The following PTPRJ variants were observed in gnomAD, a reference collection of about 807,000 sequenced individuals.
The protein encoded by PTPRJ is protein tyrosine phosphatase receptor type J, also known as receptor-type tyrosine-protein phosphatase eta.
A neutral mutation model predicts 141.3 loss-of-function variants in PTPRJ; 129 were observed. The ratio of observed to expected loss-of-function variants is 0.91; its 90% CI spans 0.79 to 1.06. The LOEUF (loss-of-function observed/expected upper bound fraction) is 1.06, where lower values mean the gene tolerates loss of function less well. PTPRJ is among the 50% of genes least tolerant of loss of function. The pLI is 0.00. For synonymous variants in PTPRJ, 610 were observed against 640.5 expected, an observed-to-expected ratio of 0.95 and a Z score of 0.72; for missense variants, 1,601 against 1,679.7, an observed-to-expected ratio of 0.95 and a Z score of 0.82.
At chr11:48,157,893 C>A (rs1277787337) in intron 21 of PTPRJ, among the ~76,000 whole-genome samples, 7 of 152,328 alleles carry the variant, frequency 4.6e-5, no homozygotes, top group African/African-American at 1.7e-4. Context: ...TGGCTTACAG[C>A]TGTAATCCCA....
intron 1 of PTPRJ, among the ~76,000 whole-genome samples, chr11:48,081,342 G>A (rs1855552378): frequency 6.6e-6 from 1 of 152,212 alleles, no homozygotes; most frequent in Non-Finnish European, 1.5e-5. Flanking sequence ...CTGAGTCAGT[G>A]GAATGTGCTG....
chr11:48,010,888 C>T (rs1411339812), intron 1 of PTPRJ, among the ~76,000 whole-genome samples: 1 of 151,956 alleles, frequency 6.6e-6, no homozygotes, highest in African/African-American at 2.4e-5. Context: ...CTGTGTGGCT[C>T]AGGCTGGACT....
intron 6 of PTPRJ, among the ~76,000 whole-genome samples, chr11:48,125,578 G>A (rs553837482): frequency 1.3e-5 from 2 of 152,228 alleles, no homozygotes; most frequent in African/African-American, 4.8e-5. Flanking sequence ...TTTTTCACCC[G>A]CCTTGTAATT....
chr11:48,137,248 T>A lies in PTPRJ; in HGVS notation c.2119T>A (p.Ser707Thr). ...TGCACAAGTAGGGGATGGGATCAAG[T>A]CACTGGAACCTGGCCGGAAGTCATT... ...IFAQVGDGIK[S>T]LEPGRKSFCT... is the part of the protein sequence containing the mutation. Residue 707 changes from serine to threonine, a missense_variant, in exon 10 of 25, where the codon TCA becomes ACA. By Grantham distance (58) the Ser-to-Thr change is moderately conservative. Transcript: ENST00000418331. 1 of 1,614,150 alleles carries A rather than the reference T, an allele frequency of 6.2e-7. No homozygotes were observed. The highest frequency in any genetic ancestry group is 8.5e-7 in the Non-Finnish European group (1 of 1,180,014).
At position 48,156,056 on chromosome 11, in the gene PTPRJ, T is replaced by C. The variant is rs750269207; in HGVS notation, c.3375T>C (p.Arg1125=). Reference sequence around the variant, plus strand: ...CGAACACTTTGAAAGATTTTTGGCGTATGGTTTGGGAGAAAAATGTATATG... The same window carrying C: ...CGAACACTTTGAAAGATTTTTGGCGCATGGTTTGGGAGAAAAATGTATATG... ...PLPNTLKDFW[R]MVWEKNVYAI... The change falls in exon 21 of 25, where the codon CGT becomes CGC. Residue 1125 remains arginine (R), a synonymous_variant. Coordinates refer to ENST00000418331, the MANE Select transcript of PTPRJ (RefSeq NM_002843.4). 44 of 1,602,566 alleles carry C rather than the reference T, an allele frequency of 2.7e-5. No individual in the cohort carries two copies. The highest frequency in any genetic ancestry group is 3.6e-5 in the Non-Finnish European group (42 of 1,169,578).
Position 48,062,429 on chromosome 11 carries a change from C to T in PTPRJ, c.97-47629C>T, listed in dbSNP as rs531285263. Reference sequence around the variant, plus strand: ...TTGGGAGGCTGAGGCAGGAGAATGGCGTGAACCCAGGAGGCGGAGCTTGCA... The same window carrying T: ...TTGGGAGGCTGAGGCAGGAGAATGGTGTGAACCCAGGAGGCGGAGCTTGCA... On this transcript the variant is annotated intron_variant, in intron 1 of 24. Transcript: ENST00000418331. Among the ~76,000 whole-genome samples the T allele has an allele frequency of 9.7e-4, 147 of 151,874 alleles. 1 individual carries two copies. Among genetic ancestry groups the T allele is most frequent in the African/African-American group, 3.3e-3 (136 of 41,442 alleles).
In PTPRJ at chr11:48,048,925, T is replaced by G. The variant is rs556065654; in HGVS notation, c.97-61133T>G. Among the ~76,000 whole-genome samples, 3 of 152,310 alleles carry G rather than the reference T, an allele frequency of 2.0e-5. No individual in the cohort carries two copies. The South Asian group carries it at 6.2e-4, about 32-fold the overall frequency. Reference sequence around the variant, plus strand: ...TTTACAGCTGACGCCTATCTAAGGCTTGTATAAAAGTCAGTCACTGTCCAG... The same window carrying G: ...TTTACAGCTGACGCCTATCTAAGGCGTGTATAAAAGTCAGTCACTGTCCAG... On this transcript the variant is annotated intron_variant, in intron 1 of 24. Transcript: ENST00000418331.
intron 1 of PTPRJ, among the ~76,000 whole-genome samples, chr11:47,988,135 ATGAG>A (rs939632744): frequency 1.7e-4 from 26 of 152,264 alleles, no homozygotes; most frequent in African/African-American, 6.3e-4. Flanking sequence ...TTCTGAGTGA[ATGAG>A]TGAGTGAGTA....
chr11:48,023,394 G>A (rs1853710894), intron 1 of PTPRJ, among the ~76,000 whole-genome samples: 1 of 152,146 alleles, frequency 6.6e-6, no homozygotes, highest in African/African-American at 2.4e-5. Flanking sequence ...GAGATGAGGA[G>A]CTGCCTTGCC....
At chr11:48,048,345 G>A (rs1854463200) in intron 1 of PTPRJ, among the ~76,000 whole-genome samples, 1 of 152,202 alleles carries the variant, frequency 6.6e-6, no homozygotes, top group Non-Finnish European at 1.5e-5. Context: ...GTGCCCCGCT[G>A]CTGGGAAGAC....
At position 48,148,127 on chromosome 11, in the gene PTPRJ, G is replaced by A. The variant is rs1489158006; in HGVS notation, c.2999+1164G>A. ...CCTGAAGTGTTGGGATCACAGGCGT[G>A]AGCCCCTGTGCCTGGCCAGATTAGG... On this transcript the variant is annotated intron_variant, in intron 15 of 24. Coordinates refer to ENST00000418331, the MANE Select transcript of PTPRJ (RefSeq NM_002843.4). 5.9e-5 allele frequency among the ~76,000 whole-genome samples: 9 copies of A among 152,314 alleles called. No homozygotes were observed. The East Asian group carries it at 1.5e-3, about 26-fold the overall frequency.
At chr11:48,078,256 C>CCAT (rs1855461746) in intron 1 of PTPRJ, among the ~76,000 whole-genome samples, 1 of 152,046 alleles carries the variant, frequency 6.6e-6, no homozygotes, top group African/African-American at 2.4e-5. Context: ...CAGGTTTTCA[C>CCAT]CATGTTGGCC....
intron 1 of PTPRJ, among the ~76,000 whole-genome samples, chr11:47,990,991 A>C (rs1189529176): frequency 6.6e-6 from 1 of 151,894 alleles, no homozygotes; most frequent in Admixed American, 6.6e-5. Context: ...AAGTGTTGGG[A>C]TTACAGGTGT....
intron 1 of PTPRJ, among the ~76,000 whole-genome samples, chr11:48,055,429 C>T (rs568017022): frequency 3.3e-5 from 5 of 152,318 alleles, no homozygotes; most frequent in African/African-American, 9.6e-5. Flanking sequence ...GGTTAACATC[C>T]AGTCAACCTT....
chr11:48,145,839 G>A (rs549890974), intron 14 of PTPRJ, among the ~76,000 whole-genome samples: 13 of 152,202 alleles, frequency 8.5e-5, no homozygotes, highest in Admixed American at 7.2e-4. Flanking sequence ...GATTATAGGC[G>A]TGAGCCACCA....
At chr11:48,103,206 G>GCC (rs1346336349) in intron 1 of PTPRJ, among the ~76,000 whole-genome samples, 3 of 152,122 alleles carry the variant, frequency 2.0e-5, no homozygotes, top group African/African-American at 7.2e-5. Flanking sequence ...GCTCATGCCT[G>GCC]CCCCACACTT....
chr11:48,024,254 A>G (rs1409670451), intron 1 of PTPRJ, among the ~76,000 whole-genome samples: 1 of 151,984 alleles, frequency 6.6e-6, no homozygotes, highest in African/African-American at 2.4e-5. Context: ...CTGGAGTGCA[A>G]TGGCGTGATC....
intron 1 of PTPRJ, among the ~76,000 whole-genome samples, chr11:48,045,546 C>T (rs1185230865): frequency 2.0e-5 from 3 of 152,188 alleles, no homozygotes. Flanking sequence ...ATATCAAGGG[C>T]TTGTCTTTCC....
chr11:48,077,187 A>G (rs1014357637), intron 1 of PTPRJ, among the ~76,000 whole-genome samples: 2 of 152,226 alleles, frequency 1.3e-5, no homozygotes, highest in Admixed American at 6.5e-5. Flanking sequence ...CTTTAAAAAA[A>G]AAAAGGTTAC....
Sources: gnomAD v4.1 joint callset for allele counts (sites outside exome capture counted in the v4.1 genomes callset) on GRCh38, gnomAD v4.1.1 for gene constraint, MANE v1.5 for transcripts, NCBI Gene and HGNC (gene_info 2026-07-23, HGNC 2026-07-21) for gene names.